Variants in AUTS2 observed in about 807,000 individuals in gnomAD.
The protein encoded by AUTS2 is autism susceptibility gene 2 protein.
Under a neutral mutation model 112.4 loss-of-function variants are expected in AUTS2, and 17 were observed. The observed-to-expected ratio is 0.15, with a 90% confidence interval of 0.10 to 0.23. The LOEUF is 0.23. AUTS2 is among the 10% of genes least tolerant of loss of function. The pLI is 1.00. For synonymous variants in AUTS2, 751 were observed against 702.7 expected (o/e 1.07, Z -1.09); for missense variants, 1,510 against 1,701.6 (o/e 0.89, Z 1.98).
At chr7:69,606,481 C>CATTTT (rs1350829500) in intron 1 of AUTS2, among the ~76,000 whole-genome samples, 3 of 152,168 alleles carry the variant, frequency 2.0e-5, no homozygotes, top group Admixed American at 2.0e-4. Context: ...AGTGGCTTTA[C>CATTTT]ATTTTATTTT....
At chr7:70,072,724 A>G (rs1486039444) in intron 2 of AUTS2, among the ~76,000 whole-genome samples, 1 of 152,164 alleles carries the variant, frequency 6.6e-6, no homozygotes, top group Non-Finnish European at 1.5e-5. Context: ...GCGTTTCTGC[A>G]TGGCTGTCAT....
At chr7:70,100,785 A>G (rs1584721998) in intron 2 of AUTS2, among the ~76,000 whole-genome samples, 1 of 152,342 alleles carries the variant, frequency 6.6e-6, no homozygotes, top group East Asian at 1.9e-4. Flanking sequence ...GAAAGAATTT[A>G]TTACAATAGG....
intron 1 of AUTS2, among the ~76,000 whole-genome samples, chr7:69,737,192 T>G (rs1214190975): frequency 6.6e-6 from 1 of 152,204 alleles, no homozygotes; most frequent in African/African-American, 2.4e-5. Context: ...CCTTCTATGT[T>G]GTGCGAGTGT....
At chr7:69,893,639 A>C (rs1175850287) in intron 1 of AUTS2, among the ~76,000 whole-genome samples, 2 of 152,232 alleles carry the variant, frequency 1.3e-5, no homozygotes, top group Non-Finnish European at 2.9e-5. Flanking sequence ...GGGTGCATGC[A>C]GACACATATA....
intron 1 of AUTS2, among the ~76,000 whole-genome samples, chr7:69,848,364 A>G (rs768755606): frequency 5.3e-5 from 8 of 152,228 alleles, no homozygotes; most frequent in Non-Finnish European, 7.3e-5. Context: ...CTTAATAGGA[A>G]TATGAGAGCA....
intron 2 of AUTS2, among the ~76,000 whole-genome samples, chr7:70,059,317 G>A (rs554924445): frequency 4.6e-5 from 7 of 152,224 alleles, no homozygotes; most frequent in Middle Eastern, 3.4e-3. Context: ...AAGGTCCTCC[G>A]TGTCTTTTAA....
intron 17 of AUTS2, 125 bp from the exon 18 acceptor site, chr7:70,787,084 A>T: frequency 2.3e-6 from 2 of 882,448 alleles, no homozygotes; most frequent in Non-Finnish European, 3.7e-6. Context: ...TTCCTTTTCC[A>T]GCTCCCAATA....
chr7:70,144,069 C>A (rs1422598578), intron 4 of AUTS2, among the ~76,000 whole-genome samples: 1 of 152,032 alleles, frequency 6.6e-6, no homozygotes, highest in East Asian at 1.9e-4. Flanking sequence ...AAGAGCTCAT[C>A]CAAGCCCGTG....
chr7:69,954,312 C>T (rs774984522), intron 2 of AUTS2, among the ~76,000 whole-genome samples: 1 of 152,082 alleles, frequency 6.6e-6, no homozygotes, highest in Non-Finnish European at 1.5e-5. Context: ...GCTAGGATCT[C>T]GCTCTGTTGC....
chr7:69,771,528 T>C (rs1197418005), intron 1 of AUTS2, among the ~76,000 whole-genome samples: 1 of 152,066 alleles, frequency 6.6e-6, no homozygotes, highest in African/African-American at 2.4e-5. Context: ...CCTGCAGCAG[T>C]AGAAGTGACA....
chr7:70,246,961 T>G (rs573971845), intron 4 of AUTS2, among the ~76,000 whole-genome samples: 1 of 152,156 alleles, frequency 6.6e-6, no homozygotes, highest in South Asian at 2.1e-4. Flanking sequence ...TTTTTTTTGG[T>G]CCTATTATAA....
At chr7:70,337,968 C>T (rs1009314490) in intron 4 of AUTS2, among the ~76,000 whole-genome samples, 2 of 152,154 alleles carry the variant, frequency 1.3e-5, no homozygotes, top group African/African-American at 2.4e-5. Flanking sequence ...TTTTTAAATA[C>T]TAATTTTACA....
chr7:70,693,632 C>T (rs948536366), intron 5 of AUTS2, among the ~76,000 whole-genome samples: 1 of 152,250 alleles, frequency 6.6e-6, no homozygotes, highest in Non-Finnish European at 1.5e-5. Context: ...TATTGAGCGC[C>T]TACTATGTGC....
intron 2 of AUTS2, among the ~76,000 whole-genome samples, chr7:69,918,920 T>A (rs1022295989): frequency 2.6e-5 from 4 of 152,344 alleles, no homozygotes; most frequent in African/African-American, 9.6e-5. Context: ...TTTAGCAGAA[T>A]GAAGCAGTAA....
intron 5 of AUTS2, among the ~76,000 whole-genome samples, chr7:70,517,731 A>G (rs1043961262): frequency 5.3e-5 from 8 of 151,920 alleles, no homozygotes; most frequent in Non-Finnish European, 8.8e-5. Context: ...GCATATGTAT[A>G]CATATGAATA....
chr7:69,648,475 G>A (rs1355793519), intron 1 of AUTS2, among the ~76,000 whole-genome samples: 2 of 150,812 alleles, frequency 1.3e-5, no homozygotes, highest in South Asian at 2.1e-4. Context: ...AAAACTCCAC[G>A]TGCATTTTAA....
At chr7:69,918,593 T>C (rs755364819) in intron 2 of AUTS2, among the ~76,000 whole-genome samples, 4 of 152,236 alleles carry the variant, frequency 2.6e-5, no homozygotes, top group African/African-American at 4.8e-5. Context: ...GTAAATTGTG[T>C]AGACTTTGTG....
intron 2 of AUTS2, among the ~76,000 whole-genome samples, chr7:70,054,899 T>C (rs1178329716): frequency 6.6e-6 from 1 of 152,156 alleles, no homozygotes; most frequent in Non-Finnish European, 1.5e-5. Flanking sequence ...AATCTCACTA[T>C]TTTGGTCTTC....
At chr7:70,708,654 G>T (rs1303819698) in intron 6 of AUTS2, among the ~76,000 whole-genome samples, 1 of 151,878 alleles carries the variant, frequency 6.6e-6, no homozygotes, top group Non-Finnish European at 1.5e-5. Flanking sequence ...GCCCCGAAGG[G>T]TCAGCAGACC....
Sources: allele counts gnomAD v4.1 joint callset (sites outside exome capture counted in the v4.1 genomes callset), GRCh38; gene constraint gnomAD v4.1.1; transcripts MANE v1.5; gene names NCBI Gene and HGNC (gene_info 2026-07-23, HGNC 2026-07-21).